Variants in XKR6 observed in about 807,000 individuals in gnomAD.
XKR6 encodes XK-related protein 6.
XKR6 carries 22 observed loss-of-function variants against 56.7 expected under a neutral mutation model. The observed-to-expected ratio is 0.39, with a 90% CI of 0.28 to 0.55. XKR6 has a LOEUF of 0.55. Among genes scored for constraint, XKR6 ranks in the 20% least tolerant of loss-of-function variants. The pLI, the probability that XKR6 is intolerant of heterozygous loss-of-function variation, is 0.66. For synonymous variants in XKR6, 524 were observed against 387.8 expected, an observed-to-expected ratio of 1.35 and a Z score of -4.13; for missense variants, 852 against 889.0, an observed-to-expected ratio of 0.96 and a Z score of 0.53.
intron 1 of XKR6, among the ~76,000 whole-genome samples, chr8:11,104,343 G>A (rs1798595829): frequency 6.6e-6 from 1 of 152,190 alleles, no homozygotes; most frequent in Non-Finnish European, 1.5e-5. Context: ...ATAGGCCAAG[G>A]AAGAAATCTC....
At chr8:11,022,901 C>G (rs770530367) in intron 1 of XKR6, among the ~76,000 whole-genome samples, 26 of 152,196 alleles carry the variant, frequency 1.7e-4, no homozygotes, top group Admixed American at 2.0e-4. Context: ...CGTCCCAGGG[C>G]AGGAGGCCCG....
At chr8:10,900,352 C>T (rs1800001043) in intron 2 of XKR6, among the ~76,000 whole-genome samples, 1 of 152,190 alleles carries the variant, frequency 6.6e-6, no homozygotes, top group Non-Finnish European at 1.5e-5. Context: ...TCTCCGAAGC[C>T]CGATGAAGAA....
chr8:10,966,892 G>A (rs963508672), intron 1 of XKR6, among the ~76,000 whole-genome samples: 1 of 152,068 alleles, frequency 6.6e-6, no homozygotes, highest in Non-Finnish European at 1.5e-5. Context: ...TAAACAGGTG[G>A]CACTCTGATC....
intron 1 of XKR6, among the ~76,000 whole-genome samples, chr8:11,047,639 G>T (rs947939132): frequency 6.6e-6 from 1 of 152,202 alleles, no homozygotes; most frequent in African/African-American, 2.4e-5. Context: ...ATGAGGAGTT[G>T]TTGTTTGATG....
chr8:10,909,791 C>T (rs1442929635), intron 2 of XKR6, among the ~76,000 whole-genome samples: 1 of 152,174 alleles, frequency 6.6e-6, no homozygotes, highest in African/African-American at 2.4e-5. Context: ...TTCAGTGCGT[C>T]AGACATTATG....
chr8:10,987,653 T>C (rs1177334153), intron 1 of XKR6, among the ~76,000 whole-genome samples: 6 of 152,188 alleles, frequency 3.9e-5, no homozygotes, highest in Non-Finnish European at 8.8e-5. Context: ...ACTGTAATCA[T>C]ACCCTGTCTC....
chr8:11,159,428 G>A (rs1373653478), intron 1 of XKR6, among the ~76,000 whole-genome samples: 1 of 152,228 alleles, frequency 6.6e-6, no homozygotes, highest in South Asian at 2.1e-4. Context: ...GATCGCGAGA[G>A]AAAAGAACAG....
Position 11,106,961 on chromosome 8 carries a change from C to T in XKR6, c.764+93615G>A, listed in dbSNP as rs1200346032. On this transcript the variant is annotated intron_variant, in intron 1 of 2. Transcript: ENST00000416569. ...TATTCTACTTCCCCACAAGAAGCTA[C>T]AGGAAGGGAGACAGAAATCAAGGGC... is the stretch of plus-strand genomic sequence containing the variant. Among the ~76,000 whole-genome samples the T allele has an allele frequency of 5.3e-5, 8 of 151,838 alleles. No individual in the cohort carries two copies. In the East Asian group the frequency reaches 1.5e-3, roughly 29 times the overall value.
At chr8:10,907,344 T>G (rs1357238623) in intron 2 of XKR6, among the ~76,000 whole-genome samples, 2 of 152,206 alleles carry the variant, frequency 1.3e-5, no homozygotes, top group Admixed American at 1.3e-4. Context: ...AGATCTCTTT[T>G]TTTTGCCTCT....
chr8:11,121,320 C>A (rs370843480), intron 1 of XKR6, among the ~76,000 whole-genome samples: 8 of 151,984 alleles, frequency 5.3e-5, no homozygotes, highest in Non-Finnish European at 8.8e-5. Context: ...GAATCTACAA[C>A]GAACTCAAAC....
In XKR6 at chr8:10,955,363, TACAG is replaced by T. The variant is rs561023020; in HGVS notation, c.765-30537_765-30534del. On this transcript the variant is annotated intron_variant, in intron 1 of 2. Coordinates refer to ENST00000416569, the MANE Select transcript of XKR6 (RefSeq NM_173683.4). ...AATTTTCTTATTTTTTTATTTTTTG[TACAG>T]ACAAAGTGTCACTATGTTATCCAGG... Among the ~76,000 whole-genome samples the T allele has an allele frequency of 7.2e-4, 109 of 152,252 alleles. 2 individuals carry two copies. The South Asian group carries it at 0.021, about 29-fold the overall frequency.
At chr8:10,998,386 C>T (rs899884789) in intron 1 of XKR6, among the ~76,000 whole-genome samples, 4 of 152,156 alleles carry the variant, frequency 2.6e-5, no homozygotes, top group Non-Finnish European at 5.9e-5. Flanking sequence ...GACCTGCAAG[C>T]CCTAGAATAA....
At chr8:10,970,457 C>A (rs114106633) in intron 1 of XKR6, among the ~76,000 whole-genome samples, 147 of 152,282 alleles carry the variant, frequency 9.7e-4, no homozygotes, top group African/African-American at 3.5e-3. Flanking sequence ...GTCCTAAGCA[C>A]CAAGACACAA....
chr8:11,190,100 T>C (rs955791388), intron 1 of XKR6, among the ~76,000 whole-genome samples: 5 of 149,816 alleles, frequency 3.3e-5, no homozygotes, highest in East Asian at 2.0e-4. Flanking sequence ...GAGGTTGCAG[T>C]GAGCCGAGAT....
In XKR6 at chr8:11,200,173, A is replaced by C. The variant is rs1195215363; in HGVS notation, c.764+403T>G. On this transcript the variant is annotated intron_variant, in intron 1 of 2. Coordinates refer to ENST00000416569, the MANE Select transcript of XKR6 (RefSeq NM_173683.4). The surrounding 1 kb of genome is among the most constrained non-coding windows in gnomAD (Gnocchi z 6.4). ...GGGAGGATGTCTCACCTGGGAACAA[A>C]CCCGAATGCAGCGGCTGGAGGAGGG... Among the ~76,000 whole-genome samples the C allele has an allele frequency of 1.3e-5, 2 of 152,162 alleles. No homozygotes were observed. The highest frequency in any genetic ancestry group is 4.8e-5 in the African/African-American group (2 of 41,444).
chr8:11,044,702 T>C (rs1799364972), intron 1 of XKR6, among the ~76,000 whole-genome samples: 1 of 151,632 alleles, frequency 6.6e-6, no homozygotes, highest in South Asian at 2.1e-4. Flanking sequence ...CACTGCAACC[T>C]CTGCCTCCTG....
chr8:11,158,421 C>G (rs1440209016), intron 1 of XKR6, among the ~76,000 whole-genome samples: 1 of 152,214 alleles, frequency 6.6e-6, no homozygotes, highest in African/African-American at 2.4e-5. Context: ...ATGGCTACAG[C>G]TGAAAGTGCT....
At chr8:11,192,913 C>T (rs571895663) in intron 1 of XKR6, among the ~76,000 whole-genome samples, 4 of 152,210 alleles carry the variant, frequency 2.6e-5, no homozygotes, top group Non-Finnish European at 5.9e-5. Context: ...GCCCTGCCTG[C>T]TCAACTTCAC....
At chr8:11,037,470 C>T (rs976413564) in intron 1 of XKR6, among the ~76,000 whole-genome samples, 1 of 152,242 alleles carries the variant, frequency 6.6e-6, no homozygotes, top group African/African-American at 2.4e-5. Flanking sequence ...AGCGATCCAC[C>T]CACCTCCGGC....
Sources: allele counts gnomAD v4.1 joint callset (sites outside exome capture counted in the v4.1 genomes callset), GRCh38; gene constraint gnomAD v4.1.1; non-coding constraint Gnocchi (gnomAD v3.1); transcripts MANE v1.5; gene names NCBI Gene and HGNC (gene_info 2026-07-23, HGNC 2026-07-21).